The following DPP6 variants were observed in gnomAD, a reference collection of about 807,000 sequenced individuals.
DPP6 encodes the protein A-type potassium channel modulatory protein DPP6.
DPP6 carries 69 observed loss-of-function variants against 122.6 expected under a neutral mutation model. The observed-to-expected ratio is 0.56, with a 90% CI of 0.46 to 0.69. DPP6 has a LOEUF of 0.69. Ranked by LOEUF, DPP6 falls within the 30% of genes least tolerant of loss-of-function variation. The pLI, the probability that DPP6 is intolerant of heterozygous loss-of-function variation, is 0.00. For synonymous variants in DPP6, 418 were observed against 433.1 expected, an observed-to-expected ratio of 0.97 and a Z score of 0.43; for missense variants, 928 against 1,116.9, an observed-to-expected ratio of 0.83 and a Z score of 2.41.
chr7:153,786,595 C>T, the DPP6 span, among the ~76,000 whole-genome samples: 33 of 151,614 alleles, frequency 2.2e-4, no homozygotes, highest in African/African-American at 7.5e-4. Flanking sequence ...AAAAATTAGC[C>T]GGGCGTGGTG....
rs10230698 is a variant in DPP6, at chr7:154,769,466, G to A, written c.933G>A (p.Thr311=). Reference sequence around the variant, plus strand: ...CACACTGGTGGTCTCCGGATGGCACGAGACTCGCCTACGCCGCCATCAATG... The same window carrying A: ...CACACTGGTGGTCTCCGGATGGCACAAGACTCGCCTACGCCGCCATCAATG... ...HIAHWWSPDG[T]RLAYAAINDS... is the part of the protein sequence containing the mutation. The change falls in exon 9 of 26, where the codon ACG becomes ACA. Residue 311 remains threonine (T), a synonymous_variant. Coordinates refer to ENST00000377770, the MANE Select transcript of DPP6 (RefSeq NM_130797.4). 1.5e-3 allele frequency: 2,444 copies of A among 1,613,606 alleles called. 15 individuals are homozygous for A. In the African/African-American group the frequency reaches 0.028, roughly 19 times the overall value.
At chr7:154,285,445 A>T (rs1047982597) in intron 1 of DPP6, among the ~76,000 whole-genome samples, 2 of 152,182 alleles carry the variant, frequency 1.3e-5, no homozygotes, top group African/African-American at 4.8e-5. Context: ...TTGCATTATT[A>T]GTAGAGACGG....
chr7:154,390,754 T>C (rs912149804), intron 1 of DPP6, among the ~76,000 whole-genome samples: 2 of 152,040 alleles, frequency 1.3e-5, no homozygotes, highest in African/African-American at 4.8e-5. Flanking sequence ...GTGTTTTCCG[T>C]TCAGAGAAAA....
chr7:154,319,199 A>G (rs1807704549), intron 1 of DPP6, among the ~76,000 whole-genome samples: 1 of 152,232 alleles, frequency 6.6e-6, no homozygotes, highest in Non-Finnish European at 1.5e-5. Flanking sequence ...TATCTATTTC[A>G]TGTACAAACA....
chr7:154,160,739 A>G (rs1796938843), intron 1 of DPP6, among the ~76,000 whole-genome samples: 1 of 152,184 alleles, frequency 6.6e-6, no homozygotes, highest in Non-Finnish European at 1.5e-5. Context: ...CTTCCAGAAG[A>G]CAGAGATGGG....
chr7:154,398,469 G>A (rs1037321663), intron 1 of DPP6, among the ~76,000 whole-genome samples: 8 of 152,110 alleles, frequency 5.3e-5, no homozygotes, highest in Admixed American at 4.6e-4. Flanking sequence ...CAAAGACTTC[G>A]TGACCAATCT....
intron 1 of DPP6, among the ~76,000 whole-genome samples, chr7:154,018,689 A>G (rs965205062): frequency 6.6e-6 from 1 of 152,266 alleles, no homozygotes; most frequent in Middle Eastern, 3.2e-3. Context: ...GTTGCTCTTT[A>G]TACTCAGAGG....
chr7:154,044,566 A>C (rs1271129623), intron 1 of DPP6, among the ~76,000 whole-genome samples: 16 of 152,230 alleles, frequency 1.1e-4, no homozygotes, highest in Admixed American at 1.0e-3. Context: ...GGTTCAGAGA[A>C]TATGTTAAAA....
At chr7:154,874,637 C>T (rs895099919) in intron 19 of DPP6, among the ~76,000 whole-genome samples, 1 of 152,220 alleles carries the variant, frequency 6.6e-6, no homozygotes, top group African/African-American at 2.4e-5. Flanking sequence ...GCTCCTCCTG[C>T]CCCCACCCCA....
At chr7:153,883,203 C>G (rs1043331821), upstream of DPP6, among the ~76,000 whole-genome samples, 7 of 152,068 alleles carry the variant, frequency 4.6e-5, no homozygotes, top group African/African-American at 1.7e-4. Context: ...AATGCAATAG[C>G]ACAAGAAAAA....
At chr7:154,826,788 C>G (rs1166042504) in intron 16 of DPP6, among the ~76,000 whole-genome samples, 1 of 152,202 alleles carries the variant, frequency 6.6e-6, no homozygotes, top group Admixed American at 6.5e-5. Flanking sequence ...CATCCATGTG[C>G]TTAAAATAGT....
At chr7:154,787,546 T>C (rs1797410008) in intron 10 of DPP6, among the ~76,000 whole-genome samples, 1 of 152,244 alleles carries the variant, frequency 6.6e-6, no homozygotes, top group Non-Finnish European at 1.5e-5. Context: ...CCTGTCCCTA[T>C]GCTTCCTTTT....
intron 5 of DPP6, among the ~76,000 whole-genome samples, chr7:154,572,510 C>CTTTTTTTTTTTTTTTTTTTTTTT (rs77816407): frequency 1.2e-5 from 1 of 86,144 alleles, no homozygotes; most frequent in African/African-American, 4.7e-5. Context: ...TTTTTCTTTT[C>CTTTTTTTTTTTTTTTTTTTTTTT]TTTTTTTTTT....
intron 6 of DPP6, among the ~76,000 whole-genome samples, chr7:154,639,328 A>C (rs1288748137): frequency 6.6e-6 from 1 of 152,240 alleles, no homozygotes; most frequent in East Asian, 1.9e-4. Flanking sequence ...TTTCATTAAA[A>C]GTATGTTTTA....
intron 1 of DPP6, among the ~76,000 whole-genome samples, chr7:154,345,882 G>A (rs923267787): frequency 2.0e-5 from 3 of 152,108 alleles, no homozygotes; most frequent in Admixed American, 2.0e-4. Context: ...CTGCTCCCTC[G>A]TTCCATCCAT....
intron 2 of DPP6, among the ~76,000 whole-genome samples, chr7:154,458,512 A>AGCT (rs1821000084): frequency 6.6e-6 from 1 of 152,300 alleles, no homozygotes; most frequent in Non-Finnish European, 1.5e-5. Context: ...AACCTCCAAG[A>AGCT]GCGTGCAGCC....
intron 7 of DPP6, among the ~76,000 whole-genome samples, chr7:154,709,605 T>C (rs1179756825): frequency 1.4e-5 from 2 of 140,214 alleles, no homozygotes; most frequent in Non-Finnish European, 3.1e-5. Flanking sequence ...TTTTTTCAAA[T>C]ATTCCACAAA....
intron 1 of DPP6, among the ~76,000 whole-genome samples, chr7:153,931,272 T>C (rs1169579067): frequency 1.3e-5 from 2 of 152,110 alleles, no homozygotes; most frequent in South Asian, 4.1e-4. Flanking sequence ...TGTAGGGAAG[T>C]ATAATTCAGC....
Position 153,917,747 on chromosome 7 carries a change from T to A in DPP6, c.51+30013T>A, listed in dbSNP as rs114463093. ...CATGCGAAGGGTGGATAGGTACCTG[T>A]TTTTAAAAGGTATTTTTGTTTTGAC... On this transcript the variant is annotated intron_variant, in intron 1 of 25. Transcript: ENST00000404039. Among the ~76,000 whole-genome samples, 468 of 152,326 alleles carry A rather than the reference T, an allele frequency of 3.1e-3. 3 individuals carry two copies. The highest frequency in any genetic ancestry group is 0.01 in the African/African-American group (430 of 41,558).
Sources: gnomAD v4.1 joint callset for allele counts (sites outside exome capture counted in the v4.1 genomes callset) on GRCh38, gnomAD v4.1.1 for gene constraint, MANE v1.5 for transcripts, NCBI Gene and HGNC (gene_info 2026-07-23, HGNC 2026-07-21) for gene names.